The following HTR1E variants were observed in gnomAD, a reference collection of about 807,000 sequenced individuals.
HTR1E encodes 5-HT-1E.
HTR1E carries 3 observed loss-of-function variants against 3.4 expected under a neutral mutation model. The observed-to-expected ratio is 0.89, with a 90% CI of 0.41 to 2.31. The LOEUF (loss-of-function observed/expected upper bound fraction) is 2.31. Among genes scored for constraint, HTR1E ranks in the 30% most tolerant of loss-of-function variants. HTR1E has a pLI of 0.05. For synonymous variants in HTR1E, 170 were observed against 182.8 expected, an observed-to-expected ratio of 0.93 and a Z score of 0.56; for missense variants, 392 against 467.0, an observed-to-expected ratio of 0.84 and a Z score of 1.48.
At chr6:87,008,793 T>C (rs1396020450) in intron 1 of HTR1E, among the ~76,000 whole-genome samples, 3 of 152,296 alleles carry the variant, frequency 2.0e-5, no homozygotes, top group South Asian at 2.1e-4. Flanking sequence ...AATAAATGTA[T>C]AGTTTATTAA....
chr6:87,012,277 G>C (rs1230637029), intron 1 of HTR1E, among the ~76,000 whole-genome samples: 1 of 152,202 alleles, frequency 6.6e-6, no homozygotes, highest in Non-Finnish European at 1.5e-5. Context: ...TCAAGCATGA[G>C]AAGTGAGAAG....
chr6:86,955,888 A>AC (rs201470517), intron 1 of HTR1E, among the ~76,000 whole-genome samples: 2,334 of 151,536 alleles, frequency 0.015, 58 homozygotes, highest in African/African-American at 0.051. Context: ...AAATTCTAAG[A>AC]CCCCCCCAAC....
chr6:86,984,328 A>G (rs1317784505), intron 1 of HTR1E, among the ~76,000 whole-genome samples: 1 of 152,214 alleles, frequency 6.6e-6, no homozygotes, highest in Non-Finnish European at 1.5e-5. Context: ...GTTTTCCACA[A>G]AATGAATACA....
intron 1 of HTR1E, among the ~76,000 whole-genome samples, chr6:87,007,285 C>T (rs1411148473): frequency 6.6e-6 from 1 of 152,002 alleles, no homozygotes; most frequent in African/African-American, 2.4e-5. Context: ...ACAATGAATT[C>T]ATGGAGGTAG....
intron 1 of HTR1E, among the ~76,000 whole-genome samples, chr6:86,947,167 A>G (rs1768628667): frequency 6.6e-6 from 1 of 152,168 alleles, no homozygotes; most frequent in Non-Finnish European, 1.5e-5. Context: ...GAATTGTACA[A>G]TGCTTATGTG....
At chr6:87,007,214 G>A (rs1454857965) in intron 1 of HTR1E, among the ~76,000 whole-genome samples, 2 of 152,160 alleles carry the variant, frequency 1.3e-5, no homozygotes, top group East Asian at 3.8e-4. Context: ...AGTGAAATAA[G>A]CCAGGCACAG....
chr6:86,992,594 A>G (rs1582275588), intron 1 of HTR1E, among the ~76,000 whole-genome samples: 2 of 152,232 alleles, frequency 1.3e-5, no homozygotes, highest in Non-Finnish European at 2.9e-5. Flanking sequence ...TAAATACTTC[A>G]GAGTTCAATA....
At chr6:86,973,298 CTGTGTGTG>C (rs3043129) in intron 1 of HTR1E, among the ~76,000 whole-genome samples, 21,618 of 149,212 alleles carry the variant, frequency 0.14, 1,578 homozygotes, top group African/African-American at 0.17. Flanking sequence ...AAGGCAGTGG[CTGTGTGTG>C]TGTGTGTGTG....
At chr6:86,975,019 G>A (rs900833891) in intron 1 of HTR1E, among the ~76,000 whole-genome samples, 1 of 152,160 alleles carries the variant, frequency 6.6e-6, no homozygotes, top group African/African-American at 2.4e-5. Flanking sequence ...CCTGAAGAAT[G>A]GTATTTAGAA....
chr6:86,955,721 AGT>A (rs1315795910), intron 1 of HTR1E, among the ~76,000 whole-genome samples: 2 of 141,154 alleles, frequency 1.4e-5, no homozygotes, highest in Non-Finnish European at 3.1e-5. Flanking sequence ...GGCTTGAGTG[AGT>A]GAGAGAGAGT....
At chr6:86,958,558 T>C (rs773554459) in intron 1 of HTR1E, among the ~76,000 whole-genome samples, 1 of 152,182 alleles carries the variant, frequency 6.6e-6, no homozygotes, top group East Asian at 1.9e-4. Context: ...TCATCAATCT[T>C]GTTCAGTTTT....
intron 1 of HTR1E, among the ~76,000 whole-genome samples, chr6:86,963,511 C>T (rs1044893259): frequency 6.6e-6 from 1 of 152,170 alleles, no homozygotes; most frequent in African/African-American, 2.4e-5. Context: ...CAGTAGTGTA[C>T]AGTAATGTTC....
intron 1 of HTR1E, among the ~76,000 whole-genome samples, chr6:86,964,136 T>C (rs897221242): frequency 3.9e-5 from 6 of 152,084 alleles, no homozygotes; most frequent in African/African-American, 1.2e-4. Context: ...CCTGACAATA[T>C]CCAGTCTTCT....
Position 87,016,086 on chromosome 6 carries a change from A to C in HTR1E, c.752A>C (p.Asp251Ala). The C allele has an allele frequency of 6.2e-7, 1 of 1,613,990 alleles. No homozygotes were observed. Among genetic ancestry groups the C allele is most frequent in the Non-Finnish European group, 8.5e-7 (1 of 1,180,004 alleles). Residue 251 changes from aspartate (D) to alanine (A), a missense_variant, in exon 2 of 2, where the codon GAC becomes GCC. Physicochemically the swap from Asp to Ala is moderately radical, Grantham distance 126. This residue lies in a region of HTR1E where 178 missense variants were observed against 164.9 expected (regional missense o/e 1.08). Coordinates refer to ENST00000305344, the MANE Select transcript of HTR1E (RefSeq NM_000865.3). The stretch of plus-strand genomic sequence containing the variant: ...TGTGTGTCTGACTTCTCCACCTCAG[A>C]CCCTACCACAGAGTTTGAAAAGTTC... The part of the protein sequence containing the change: ...TFCVSDFSTS[D>A]PTTEFEKFHA...
intron 1 of HTR1E, among the ~76,000 whole-genome samples, chr6:86,977,967 AT>A (rs1014245376): frequency 2.0e-5 from 3 of 151,346 alleles, no homozygotes; most frequent in Admixed American, 6.6e-5. Context: ...ATTTACAAAT[AT>A]TTTTTCCCAT....
rs151221371 is a variant in HTR1E, at chr6:86,950,171, C to T, written c.-186+12348C>T. ...AAATATTAAGAGTCAGGTTATTTCCCTTGAATTATACAAAATTTCACTATT... is the reference window on the plus strand; with the variant it reads ...AAATATTAAGAGTCAGGTTATTTCCTTTGAATTATACAAAATTTCACTATT... On this transcript the variant is annotated intron_variant, in intron 1 of 1. Coordinates refer to ENST00000305344, the MANE Select transcript of HTR1E (RefSeq NM_000865.3). Among the ~76,000 whole-genome samples, 106 of 152,194 alleles carry T rather than the reference C, an allele frequency of 7.0e-4. 1 individual carries two copies. The highest frequency in any genetic ancestry group is 2.5e-3 in the African/African-American group (102 of 41,514).
At chr6:86,982,678 T>A (rs62440836) in intron 1 of HTR1E, among the ~76,000 whole-genome samples, 3 of 152,106 alleles carry the variant, frequency 2.0e-5, no homozygotes, top group Admixed American at 6.5e-5. Flanking sequence ...TATGCAAAAA[T>A]GAAAAGATCC....
chr6:86,950,120 T>C (rs1352670337), intron 1 of HTR1E, among the ~76,000 whole-genome samples: 1 of 152,220 alleles, frequency 6.6e-6, no homozygotes, highest in Admixed American at 6.5e-5. Flanking sequence ...AACAAGAATA[T>C]TATGTTCAAA....
intron 1 of HTR1E, among the ~76,000 whole-genome samples, chr6:87,013,800 AAAAC>A (rs554554290): frequency 6.3e-4 from 96 of 152,268 alleles, no homozygotes; most frequent in African/African-American, 2.0e-3. Flanking sequence ...TTATAGGAAA[AAAAC>A]AAACAACCCC....
Sources: allele counts gnomAD v4.1 joint callset (sites outside exome capture counted in the v4.1 genomes callset), GRCh38; gene constraint gnomAD v4.1.1; regional missense constraint gnomAD v4.1.1; transcripts MANE v1.5; gene names NCBI Gene and HGNC (gene_info 2026-07-23, HGNC 2026-07-21).